Variants in RAD51B observed in about 807,000 individuals in gnomAD.
RAD51B encodes the protein DNA repair protein RAD51 homolog 2.
A neutral mutation model predicts 42.2 loss-of-function variants in RAD51B; 38 were observed. The ratio of observed to expected loss-of-function variants is 0.90; its 90% CI spans 0.70 to 1.18. The LOEUF is 1.18. Among genes scored for constraint, RAD51B ranks in the 50% most tolerant of loss-of-function variants. The pLI, the probability that RAD51B is intolerant of heterozygous loss-of-function variation, is 0.00. For synonymous variants in RAD51B, 154 were observed against 145.2 expected (o/e 1.06, Z -0.43); for missense variants, 373 against 400.7 (o/e 0.93, Z 0.59).
chr14:68,255,850 T>TA (rs1014902553), intron 7 of RAD51B, among the ~76,000 whole-genome samples: 3 of 152,200 alleles, frequency 2.0e-5, no homozygotes, highest in African/African-American at 7.2e-5. Context: ...TTACAGCTAA[T>TA]ATAAGCTGAA....
At chr14:68,675,455 C>G (rs1353974681) in intron 11 of RAD51B, among the ~76,000 whole-genome samples, 1 of 152,136 alleles carries the variant, frequency 6.6e-6, no homozygotes, top group Non-Finnish European at 1.5e-5. Flanking sequence ...TGCCTGATTC[C>G]TTTTTGGCCC....
chr14:68,438,967 G>A (rs1275508033), intron 9 of RAD51B, among the ~76,000 whole-genome samples: 1 of 152,050 alleles, frequency 6.6e-6, no homozygotes, highest in East Asian at 1.9e-4. Context: ...CCTTGCTTTC[G>A]TGGATCATGC....
Position 68,460,173 on chromosome 14 carries a change from C to T in RAD51B, c.958-7999C>T, listed in dbSNP as rs185893768. On this transcript the variant is annotated intron_variant, in intron 9 of 10. Transcript: ENST00000471583. ...AAGTCTATAAAAGCAGCCTCCAGGC[C>T]GGGCACAGTGGCTCACACCTATAAT... 9.9e-5 allele frequency among the ~76,000 whole-genome samples: 15 copies of T among 152,004 alleles called. No homozygotes were observed. The South Asian group carries it at 1.9e-3, about 19-fold the overall frequency.
At chr14:67,967,025 T>G (rs1389219816) in intron 7 of RAD51B, among the ~76,000 whole-genome samples, 2 of 152,092 alleles carry the variant, frequency 1.3e-5, no homozygotes, top group Non-Finnish European at 2.9e-5. Context: ...GGACTTACAG[T>G]TCCACTTGGC....
intron 7 of RAD51B, among the ~76,000 whole-genome samples, chr14:67,895,662 C>A (rs905242844): frequency 3.3e-5 from 5 of 152,114 alleles, no homozygotes; most frequent in African/African-American, 1.2e-4. Context: ...CAATGTATGG[C>A]ACATAATATA....
At chr14:68,199,112 T>C (rs2079432097) in intron 7 of RAD51B, among the ~76,000 whole-genome samples, 1 of 152,242 alleles carries the variant, frequency 6.6e-6, no homozygotes, top group Non-Finnish European at 1.5e-5. Context: ...TCGCATGACA[T>C]GATTTTTGTA....
intron 8 of RAD51B, among the ~76,000 whole-genome samples, chr14:68,359,298 G>A (rs1169358947): frequency 2.0e-5 from 3 of 152,144 alleles, no homozygotes; most frequent in East Asian, 1.9e-4. Flanking sequence ...CCTTCCATCC[G>A]CCCAGAGCCC....
At chr14:67,828,577 G>A (rs1399801613) in intron 3 of RAD51B, among the ~76,000 whole-genome samples, 1 of 151,986 alleles carries the variant, frequency 6.6e-6, no homozygotes, top group Admixed American at 6.6e-5. Context: ...GAATGGTATT[G>A]CCTAGATTTT....
At position 68,322,573 on chromosome 14, in the gene RAD51B, TG is replaced by T. The variant is rs2082175497; in HGVS notation, c.853+30594del. Among the ~76,000 whole-genome samples the T allele has an allele frequency of 2.0e-5, 3 of 152,332 alleles. No individual in the cohort carries two copies. The South Asian group carries it at 6.2e-4, about 32-fold the overall frequency. On this transcript the variant is annotated intron_variant, in intron 8 of 10. Coordinates refer to ENST00000471583, the MANE Select transcript of RAD51B (RefSeq NM_133510.4). Reference sequence around the variant, plus strand: ...ATGGTTGTGTATCATTCCCATGCCTTGTGCATAAGTGGTACTCTATCCATGT... The same window carrying T: ...ATGGTTGTGTATCATTCCCATGCCTTTGCATAAGTGGTACTCTATCCATGT...
chr14:67,874,831 A>G (rs2042673881), intron 5 of RAD51B, among the ~76,000 whole-genome samples: 1 of 152,202 alleles, frequency 6.6e-6, no homozygotes, highest in Admixed American at 6.5e-5. Context: ...ATTCCAGTTT[A>G]CATGAACTGA....
intron 7 of RAD51B, among the ~76,000 whole-genome samples, chr14:67,894,137 T>C (rs1465824206): frequency 2.0e-5 from 3 of 152,234 alleles, no homozygotes; most frequent in Non-Finnish European, 2.9e-5. Context: ...GCTGTGAGTA[T>C]TAAATGAGAT....
chr14:67,830,956 G>A (rs1475867602), intron 3 of RAD51B, among the ~76,000 whole-genome samples: 2 of 149,094 alleles, frequency 1.3e-5, no homozygotes, highest in African/African-American at 5.0e-5. Flanking sequence ...GTGAGATCTC[G>A]GCCCAGGCTC....
At chr14:68,100,643 G>A (rs914589990) in intron 7 of RAD51B, among the ~76,000 whole-genome samples, 8 of 151,760 alleles carry the variant, frequency 5.3e-5, no homozygotes, top group South Asian at 4.2e-4. Flanking sequence ...TTTTTTCTCC[G>A]TGAACAATTT....
intron 8 of RAD51B, among the ~76,000 whole-genome samples, chr14:68,407,861 G>T (rs1200941673): frequency 6.6e-6 from 1 of 152,206 alleles, no homozygotes; most frequent in Non-Finnish European, 1.5e-5. Context: ...GCAGGGGGAA[G>T]AAGTCTGGAA....
chr14:68,434,868 A>G (rs2085108911), intron 9 of RAD51B, among the ~76,000 whole-genome samples: 1 of 152,066 alleles, frequency 6.6e-6, no homozygotes, highest in Admixed American at 6.5e-5. Context: ...AGCTGTTCCT[A>G]TTCAGCCATC....
chr14:68,226,195 T>C (rs1447317738), intron 7 of RAD51B, among the ~76,000 whole-genome samples: 1 of 152,226 alleles, frequency 6.6e-6, no homozygotes, highest in Non-Finnish European at 1.5e-5. Context: ...AGTGTTCTTA[T>C]ACTTGTCACT....
chr14:68,242,561 G>A (rs1243999303), intron 7 of RAD51B, among the ~76,000 whole-genome samples: 2 of 152,144 alleles, frequency 1.3e-5, no homozygotes, highest in South Asian at 2.1e-4. Flanking sequence ...GGAAGGTAGG[G>A]TACATAGCAA....
At chr14:68,535,256 CAA>C (rs1887548784) in intron 10 of RAD51B, among the ~76,000 whole-genome samples, 1 of 152,120 alleles carries the variant, frequency 6.6e-6, no homozygotes, top group African/African-American at 2.4e-5. Context: ...ACACTGATTT[CAA>C]AAGTTAGTCT....
intron 7 of RAD51B, among the ~76,000 whole-genome samples, chr14:68,121,438 G>T (rs1386053459): frequency 6.6e-6 from 1 of 152,050 alleles, no homozygotes; most frequent in East Asian, 1.9e-4. Context: ...TGTACCATAT[G>T]ACCCCATCCC....
Sources: allele counts gnomAD v4.1 joint callset (sites outside exome capture counted in the v4.1 genomes callset), GRCh38; gene constraint gnomAD v4.1.1; transcripts MANE v1.5; gene names NCBI Gene and HGNC (gene_info 2026-07-23, HGNC 2026-07-21).